The following RIMBP2 variants were observed in gnomAD, a reference collection of about 807,000 sequenced individuals.
The protein encoded by RIMBP2 is RIMS binding protein 2.
In RIMBP2, 48 loss-of-function variants were observed where a neutral mutation model predicts 118.6. That is an observed-to-expected ratio of 0.40 (90% CI 0.32 to 0.51). The LOEUF (loss-of-function observed/expected upper bound fraction) is 0.51, where lower values mean the gene tolerates loss of function less well. Among genes scored for constraint, RIMBP2 ranks in the 20% least tolerant of loss-of-function variants. The pLI, the probability that RIMBP2 is intolerant of heterozygous loss-of-function variation, is 0.41. For synonymous variants in RIMBP2, 762 were observed against 742.9 expected (o/e 1.03, Z -0.42); for missense variants, 1,551 against 1,768.3 (o/e 0.88, Z 2.20).
At chr12:130,531,556 T>C (rs1239164645) in intron 2 of RIMBP2, among the ~76,000 whole-genome samples, 1 of 152,258 alleles carries the variant, frequency 6.6e-6, no homozygotes, top group African/African-American at 2.4e-5. Context: ...ATTTATCTAT[T>C]TATGTTCAAC....
In RIMBP2 at chr12:130,578,159, G is replaced by T. The variant is rs889388482; in HGVS notation, c.-217+50163C>A. ...GATTCAGAGATTCCAGGAAAGTAAA[G>T]GTAGTGCAGGCTTGGAAGCTGATGA... On this transcript the variant is annotated intron_variant, in intron 2 of 22. Transcript: ENST00000690449. The surrounding 1 kb of genome is among the most constrained non-coding windows in gnomAD (Gnocchi z 4.1). Among the ~76,000 whole-genome samples the T allele has an allele frequency of 6.6e-6, 1 of 152,224 alleles. No homozygotes were observed. The highest frequency in any genetic ancestry group is 2.1e-4 in the South Asian group (1 of 4,820).
chr12:130,592,023 T>A (rs1049186261), intron 2 of RIMBP2, among the ~76,000 whole-genome samples: 3 of 152,162 alleles, frequency 2.0e-5, no homozygotes, highest in Non-Finnish European at 2.9e-5. Flanking sequence ...ACTCTCAGCG[T>A]CTGCAGGAGA....
rs977110180 is a variant in RIMBP2 at position 130,397,243 on chromosome 12, C to A, written c.*118G>T. ...TGGTTGGTAGTGCAAAAGTGCATTT[C>A]TCTACTGGTGTCAGGGGAGAAGATT... On this transcript the variant is annotated 3_prime_UTR_variant, in exon 23 of 23. Transcript: ENST00000690449. 3.8e-5 allele frequency: 15 copies of A among 393,734 alleles called. No individual in the cohort carries two copies. Among genetic ancestry groups the A allele is most frequent in the Non-Finnish European group, 5.4e-5 (12 of 223,404 alleles). 24.4% of individuals were successfully genotyped at this position (393,734 alleles called of 1,614,324 possible).
chr12:130,535,760 T>TATATATATAC (rs2054007704), intron 2 of RIMBP2, among the ~76,000 whole-genome samples: 1 of 51,198 alleles, frequency 2.0e-5, no homozygotes. Context: ...TATATATATA[T>TATATATATAC]ATATATATAT....
chr12:130,582,694 C>A (rs1013799632), intron 2 of RIMBP2, among the ~76,000 whole-genome samples: 1 of 152,234 alleles, frequency 6.6e-6, no homozygotes, highest in Non-Finnish European at 1.5e-5. Flanking sequence ...AATGCACATT[C>A]TCTGCCCAAA....
chr12:130,545,070 C>G (rs2054986089), intron 2 of RIMBP2, among the ~76,000 whole-genome samples: 1 of 152,168 alleles, frequency 6.6e-6, no homozygotes, highest in Admixed American at 6.5e-5. Context: ...CTCACATTCA[C>G]TTATAAAACA....
At chr12:130,715,047 A>T (rs1292724151) in intron 1 of RIMBP2, among the ~76,000 whole-genome samples, 1 of 152,204 alleles carries the variant, frequency 6.6e-6, no homozygotes, top group East Asian at 1.9e-4. Flanking sequence ...CGCAGGGCCC[A>T]GAGCCCGGAC....
At chr12:130,571,415 C>CAT (rs200295913) in intron 2 of RIMBP2, among the ~76,000 whole-genome samples, 39,274 of 101,692 alleles carry the variant, frequency 0.39, 6,799 homozygotes, top group East Asian at 0.63. Context: ...CCCATAGTAA[C>CAT]ATTTTTTTTT....
intron 2 of RIMBP2, among the ~76,000 whole-genome samples, chr12:130,565,207 C>T (rs1390521354): frequency 1.3e-5 from 2 of 152,078 alleles, no homozygotes; most frequent in South Asian, 2.1e-4. Flanking sequence ...CTTGACCTCC[C>T]AAGTTCAGAT....
At position 130,441,963 on chromosome 12, in the gene RIMBP2, G is replaced by C. The variant is rs1168974268; in HGVS notation, c.1389C>G (p.Pro463=). The change falls in exon 11 of 23, where the codon CCC becomes CCG. Residue 463 remains proline, a synonymous_variant. Coordinates refer to ENST00000690449, the MANE Select transcript of RIMBP2 (RefSeq NM_001393629.1). ...GAACCTTCACCTTATAGGCCATGTT[G>C]GGCCTGAGATTGAAGAACTGGTACT... is the stretch of plus-strand genomic sequence containing the variant. ...RYKYQFFNLR[P]NMAYKVKVLA... 1.2e-6 allele frequency: 2 copies of C among 1,614,132 alleles called. No individual in the cohort carries two copies. The highest frequency in any genetic ancestry group is 1.7e-6 in the Non-Finnish European group (2 of 1,180,046).
chr12:130,703,815 TAC>T lies in RIMBP2; in HGVS notation c.-352+12405_-352+12406del, dbSNP rs1593041086. On this transcript the variant is annotated intron_variant, in intron 1 of 22. Transcript: ENST00000690449. This position sits in a 1 kb window ranked among gnomAD's most constrained non-coding sequence, Gnocchi z 5.7. ...ACCCACAATTGAACAGCTTAGGAAA[TAC>T]AGAGAGAGAGAGAGAGATCGATCTA... 1.4e-5 allele frequency among the ~76,000 whole-genome samples: 2 copies of T among 142,900 alleles called. No individual in the cohort carries two copies. Among genetic ancestry groups the T allele is most frequent in the African/African-American group, 5.6e-5 (2 of 35,812 alleles). The allele number at this position is 142,900 out of a possible 152,430, so 93.7% of individuals were successfully genotyped here.
At position 130,446,373 on chromosome 12, in the gene RIMBP2, C is replaced by T. The variant is rs183851103; in HGVS notation, c.582-1104G>A. Among the ~76,000 whole-genome samples, 25 of 152,290 alleles carry T rather than the reference C, an allele frequency of 1.6e-4. No homozygotes were observed. Among genetic ancestry groups the T allele is most frequent in the African/African-American group, 5.5e-4 (23 of 41,546 alleles). On this transcript the variant is annotated intron_variant, in intron 9 of 22. Transcript: ENST00000690449. This position sits in a 1 kb window ranked among gnomAD's most constrained non-coding sequence, Gnocchi z 4.1. ...TTAGGAAAACAGAGAAGATAAGGTC[C>T]CCAGTCTCAATGGCTGAGTGAGGTC...
At chr12:130,712,741 T>C (rs2091471) in intron 1 of RIMBP2, among the ~76,000 whole-genome samples, 92,916 of 152,012 alleles carry the variant, frequency 0.61, 32,369 homozygotes, top group Non-Finnish European at 0.8. Context: ...CATGCATGAC[T>C]GTATGTGCTG....
At chr12:130,445,034 G>A in intron 10 of RIMBP2, 126 bp downstream of exon 10, 1 of 629,216 alleles carries the variant, frequency 1.6e-6, no homozygotes, top group Non-Finnish European at 2.8e-6. Context: ...GGAAGGGTCA[G>A]AGAGGAGGGC....
chr12:130,525,184 G>C lies in RIMBP2; in HGVS notation c.-216-7267C>G, dbSNP rs1774832966. ...GCATGAGCCGTTCCTGTAGAGTGCA[G>C]GGCAGAAGCAATGGGAAGCCAGCTC... On this transcript the variant is annotated intron_variant, in intron 2 of 22. Transcript: ENST00000690449. The surrounding 1 kb of genome is among the most constrained non-coding windows in gnomAD (Gnocchi z 4.4). Among the ~76,000 whole-genome samples the C allele has an allele frequency of 6.6e-6, 1 of 152,222 alleles. No individual in the cohort carries two copies. Among genetic ancestry groups the C allele is most frequent in the Non-Finnish European group, 1.5e-5 (1 of 68,048 alleles).
At chr12:130,524,930 C>G (rs1035021297) in intron 2 of RIMBP2, among the ~76,000 whole-genome samples, 1 of 152,130 alleles carries the variant, frequency 6.6e-6, no homozygotes, top group Admixed American at 6.5e-5. Flanking sequence ...GGGGCACGTT[C>G]GGTTGCGCTG....
At chr12:130,558,971 C>G (rs758934615) in intron 2 of RIMBP2, among the ~76,000 whole-genome samples, 18 of 152,112 alleles carry the variant, frequency 1.2e-4, no homozygotes, top group Non-Finnish European at 2.5e-4. Context: ...GCTTATTAGT[C>G]TATATTTTCA....
intron 1 of RIMBP2, among the ~76,000 whole-genome samples, chr12:130,708,665 G>A (rs1181169315): frequency 2.0e-5 from 3 of 152,134 alleles, no homozygotes; most frequent in Admixed American, 1.3e-4. Context: ...CAGCCTGGGC[G>A]ACACAGTGAG....
chr12:130,486,366 G>T (rs2082475858), intron 4 of RIMBP2, among the ~76,000 whole-genome samples: 1 of 152,090 alleles, frequency 6.6e-6, no homozygotes. Flanking sequence ...AAATCCTGGA[G>T]GGGCCACGGC....
Sources: allele counts gnomAD v4.1 joint callset (sites outside exome capture counted in the v4.1 genomes callset), GRCh38; gene constraint gnomAD v4.1.1; non-coding constraint Gnocchi (gnomAD v3.1); transcripts MANE v1.5; gene names NCBI Gene and HGNC (gene_info 2026-07-23, HGNC 2026-07-21).